Variants in KHDRBS3 observed in about 807,000 individuals in gnomAD.
KHDRBS3 encodes the protein KH domain-containing, RNA-binding, signal transduction-associated protein 3.
Under a neutral mutation model 45.6 loss-of-function variants are expected in KHDRBS3, and 23 were observed. The ratio of observed to expected loss-of-function variants is 0.50; its 90% CI spans 0.36 to 0.72. The LOEUF (loss-of-function observed/expected upper bound fraction) is 0.72, where lower values mean the gene tolerates loss of function less well. KHDRBS3 is among the 30% of genes least tolerant of loss of function. The pLI, the probability that KHDRBS3 is intolerant of heterozygous loss-of-function variation, is 0.00. For synonymous variants in KHDRBS3, 162 were observed against 156.5 expected (o/e 1.04, Z -0.26); for missense variants, 352 against 424.8 (o/e 0.83, Z 1.51).
intron 6 of KHDRBS3, among the ~76,000 whole-genome samples, chr8:135,590,247 A>G (rs1176670500): frequency 6.6e-6 from 1 of 152,232 alleles, no homozygotes; most frequent in African/African-American, 2.4e-5. Flanking sequence ...GAAAAGATAC[A>G]GTAAAAATGT....
chr8:135,645,213 C>A, intron 8 of KHDRBS3, 96 bp downstream of exon 8: 2 of 1,245,550 alleles, frequency 1.6e-6, no homozygotes, highest in Non-Finnish European at 2.3e-6. Flanking sequence ...GACATTTGGA[C>A]TCTGAAACAG....
At chr8:135,602,243 T>A (rs117938506) in intron 6 of KHDRBS3, among the ~76,000 whole-genome samples, 1 of 152,184 alleles carries the variant, frequency 6.6e-6, no homozygotes, top group Admixed American at 6.5e-5. Context: ...TTTTCCTCCT[T>A]TTCTCCTATT....
intron 7 of KHDRBS3, among the ~76,000 whole-genome samples, chr8:135,639,489 G>A (rs947973454): frequency 6.6e-6 from 1 of 152,216 alleles, no homozygotes; most frequent in Non-Finnish European, 1.5e-5. Flanking sequence ...TTGTTCAGAA[G>A]AGTGAAGCAT....
At chr8:135,625,261 T>G in intron 7 of KHDRBS3, 1 of 1,360,888 alleles carries the variant, frequency 7.3e-7, no homozygotes, top group Non-Finnish European at 1.0e-6. Context: ...ATACAGAATG[T>G]CTACAATCCT....
intron 8 of KHDRBS3, among the ~76,000 whole-genome samples, chr8:135,646,293 G>A (rs941249739): frequency 1.3e-5 from 2 of 152,096 alleles, no homozygotes; most frequent in Non-Finnish European, 2.9e-5. Context: ...GGCTGAACAG[G>A]TGTTTAATTT....
At chr8:135,652,629 C>G (rs1831453140) in intron 4 of KHDRBS3, among the ~76,000 whole-genome samples, 1 of 152,234 alleles carries the variant, frequency 6.6e-6, no homozygotes, top group East Asian at 1.9e-4. Context: ...AACTCTTACC[C>G]AGCTCTTGGT....
At chr8:135,619,512 G>A (rs1830051891) in intron 7 of KHDRBS3, among the ~76,000 whole-genome samples, 2 of 152,148 alleles carry the variant, frequency 1.3e-5, no homozygotes, top group Admixed American at 1.3e-4. Context: ...ATTAAAGTGT[G>A]ACCATGGGCA....
intron 2 of KHDRBS3, among the ~76,000 whole-genome samples, chr8:135,525,637 G>T (rs1825142147): frequency 6.6e-6 from 1 of 152,150 alleles, no homozygotes. Context: ...GAACTCAGGG[G>T]AATATATGTG....
intron 6 of KHDRBS3, among the ~76,000 whole-genome samples, chr8:135,603,336 C>T (rs1829302955): frequency 6.6e-6 from 1 of 152,188 alleles, no homozygotes; most frequent in Non-Finnish European, 1.5e-5. Flanking sequence ...CATTAGGAGC[C>T]TCCAGCTTCT....
At chr8:135,505,327 T>G (rs1327022635) in intron 1 of KHDRBS3, among the ~76,000 whole-genome samples, 2 of 152,174 alleles carry the variant, frequency 1.3e-5, no homozygotes, top group African/African-American at 4.8e-5. Flanking sequence ...TGCTGAGGCT[T>G]GGTCTGTCCT....
chr8:135,503,961 A>C (rs913800362), intron 1 of KHDRBS3, among the ~76,000 whole-genome samples: 3 of 152,166 alleles, frequency 2.0e-5, no homozygotes, highest in Non-Finnish European at 4.4e-5. Flanking sequence ...GCAGTAAGTT[A>C]GAGTTTGTTA....
chr8:135,470,904 G>T (rs138307832), intron 1 of KHDRBS3, among the ~76,000 whole-genome samples: 4 of 152,230 alleles, frequency 2.6e-5, no homozygotes, highest in Non-Finnish European at 5.9e-5. Flanking sequence ...CTTCTTAAAT[G>T]GGCGAAGGAT....
chr8:135,614,554 C>T (rs1006683573), intron 7 of KHDRBS3, among the ~76,000 whole-genome samples: 1 of 151,632 alleles, frequency 6.6e-6, no homozygotes, highest in African/African-American at 2.4e-5. Context: ...TAAAGGGTCT[C>T]AAAAAGTGCT....
intron 2 of KHDRBS3, among the ~76,000 whole-genome samples, chr8:135,526,889 T>C (rs16905387): frequency 2.0e-5 from 3 of 151,854 alleles, no homozygotes; most frequent in African/African-American, 7.2e-5. Flanking sequence ...TTTATGATTT[T>C]TTTAGAAGTT....
intron 1 of KHDRBS3, 85 bp from the exon 2 acceptor site, chr8:135,521,152 T>C (rs974659257): frequency 1.3e-6 from 1 of 757,448 alleles, no homozygotes; most frequent in African/African-American, 1.8e-5. Flanking sequence ...AGTAGTTGAT[T>C]TCATGCCACT....
chr8:135,580,785 G>T (rs1828168586), intron 5 of KHDRBS3, among the ~76,000 whole-genome samples: 1 of 151,776 alleles, frequency 6.6e-6, no homozygotes, highest in Admixed American at 6.6e-5. Context: ...GCTAATTTTT[G>T]TATTTTTAGT....
chr8:135,597,422 G>C (rs778230922), intron 6 of KHDRBS3, among the ~76,000 whole-genome samples: 2 of 152,062 alleles, frequency 1.3e-5, no homozygotes, highest in Non-Finnish European at 2.9e-5. Context: ...TATGCTTGCT[G>C]TTCATTCTAT....
At chr8:135,629,907 A>G (rs1358350578) in intron 7 of KHDRBS3, among the ~76,000 whole-genome samples, 5 of 152,190 alleles carry the variant, frequency 3.3e-5, no homozygotes, top group African/African-American at 9.7e-5. Flanking sequence ...CTCCACCCAT[A>G]TAGTAACTTC....
intron 4 of KHDRBS3, among the ~76,000 whole-genome samples, chr8:135,655,711 C>T (rs1831518750): frequency 6.7e-6 from 1 of 148,702 alleles, no homozygotes. Flanking sequence ...GGCCATTTCT[C>T]TGCTGCGATT....
Sources: allele counts gnomAD v4.1 joint callset (sites outside exome capture counted in the v4.1 genomes callset), GRCh38; gene constraint gnomAD v4.1.1; transcripts MANE v1.5; gene names NCBI Gene and HGNC (gene_info 2026-07-23, HGNC 2026-07-21).